PGF: variants seen among roughly 807,000 people sequenced by gnomAD.
PGF encodes placenta growth factor.
Under a neutral mutation model 25.3 loss-of-function variants are expected in PGF, and 11 were observed. The observed-to-expected ratio is 0.43, with a 90% CI of 0.27 to 0.72. PGF has a LOEUF of 0.72. Among genes scored for constraint, PGF ranks in the 30% least tolerant of loss-of-function variants. The probability of loss-of-function intolerance (pLI) is 0.18; values close to 1 mark genes in which losing one functional copy is unlikely to be tolerated. For missense variants in PGF, 230 were observed against 234.9 expected, an observed-to-expected ratio of 0.98 and a Z score of 0.14; for synonymous variants, 105 against 97.9, an observed-to-expected ratio of 1.07 and a Z score of -0.43.
Position 74,953,575 on chromosome 14 carries a change from C to T in PGF, c.118+329G>A, listed in dbSNP as rs1421908976. Among the ~76,000 whole-genome samples, 1 of 152,134 alleles carries T rather than the reference C, an allele frequency of 6.6e-6. No homozygotes were observed. Among genetic ancestry groups the T allele is most frequent in the African/African-American group, 2.4e-5 (1 of 41,420 alleles). On this transcript the variant is annotated intron_variant, in intron 2 of 6. Transcript: ENST00000555567. The surrounding 1 kb of genome is among the most constrained non-coding windows in gnomAD (Gnocchi z 5.4). ...CCCAGACCCCCATTCTGGCCCCTGG[C>T]ACTCACTCCCCACCCTGTCCTCCAA...
Position 74,953,667 on chromosome 14 carries a change from T to C in PGF, c.118+237A>G, listed in dbSNP as rs541961745. On this transcript the variant is annotated intron_variant, in intron 2 of 6. Coordinates refer to ENST00000555567, the MANE Select transcript of PGF (RefSeq NM_002632.6). This position sits in a 1 kb window ranked among gnomAD's most constrained non-coding sequence, Gnocchi z 5.4. ...GAGCCAGCTGGATGAACCCTGGCTA[T>C]ACTGGCCCCAGCCCCACTCTCCGTG... Among the ~76,000 whole-genome samples the C allele has an allele frequency of 6.6e-6, 1 of 152,260 alleles. No individual in the cohort carries two copies. Among genetic ancestry groups the C allele is most frequent in the East Asian group, 1.9e-4 (1 of 5,166 alleles).
At chr14:74,949,303 AG>A (rs1888816211) in intron 3 of PGF, 53 bp downstream of exon 3, 2 of 1,358,594 alleles carry the variant, frequency 1.5e-6, no homozygotes, top group African/African-American at 3.0e-5. Context: ...TTCCCTCTCC[AG>A]GTACCTTCTA....
chr14:74,955,203 G>A lies in PGF; in HGVS notation c.40C>T (p.Leu14=), dbSNP rs565128099. 6.5e-4 allele frequency: 976 copies of A among 1,490,144 alleles called. 6 individuals are homozygous for A. The highest frequency in any genetic ancestry group is 6.5e-3 in the South Asian group (506 of 77,688). The allele number at this position is 1,490,144 out of a possible 1,614,324, so 92.3% of individuals were successfully genotyped here. Residue 14 remains leucine, a synonymous_variant, in exon 1 of 7, where the codon CTG becomes TTG. Transcript: ENST00000555567. This position sits in a 1 kb window ranked among gnomAD's most constrained non-coding sequence, Gnocchi z 4.1. The stretch of plus-strand genomic sequence containing the variant: ...ACAGCAGGCAGCGCCAGCCCGGCCA[G>A]GAGCTGCAGGAAGCAAGGGAACAGC... ...MRLFPCFLQL[L]AGLALPAVPP...
chr14:74,945,998 G>A, intron 6 of PGF: 1 of 579,148 alleles, frequency 1.7e-6, no homozygotes, highest in South Asian at 2.1e-5. Flanking sequence ...ATGATTTGTT[G>A]AAGGTCAATG....
rs779162527 is a variant in PGF at position 74,949,450 on chromosome 14, G to C, written c.222C>G (p.Ser74Arg). The C allele has an allele frequency of 1.2e-6, 2 of 1,612,782 alleles. No individual in the cohort carries two copies. The highest frequency in any genetic ancestry group is 1.7e-6 in the Non-Finnish European group (2 of 1,179,598). The change falls in exon 3 of 7, where the codon AGC becomes AGG. Residue 74 changes from serine to arginine, a missense_variant. By Grantham distance (110) the Ser-to-Arg change is moderately radical (BLOSUM62 -1). Coordinates refer to ENST00000555567, the MANE Select transcript of PGF (RefSeq NM_002632.6). ...EYPSEVEHMF[S>R]PSCVSLLRCT... ...AGCGCAGCAGGGAGACACAGGATGG[G>C]CTGAACATGTGCTCCACCTCGCTGG...
intron 2 of PGF, among the ~76,000 whole-genome samples, chr14:74,952,224 T>C (rs1320207028): frequency 6.6e-6 from 1 of 152,144 alleles, no homozygotes; most frequent in Non-Finnish European, 1.5e-5. Context: ...CAAGTTTCTG[T>C]GGAGGGCACT....
In PGF at chr14:74,949,541, T is replaced by C; in HGVS notation, c.131A>G (p.Gln44Arg). The C allele has an allele frequency of 6.3e-7, 1 of 1,578,460 alleles. No homozygotes were observed. The highest frequency in any genetic ancestry group is 2.3e-5 in the East Asian group (1 of 43,858). ...GSSEVEVVPF[Q>R]EVWGRSYCRA... ...GCAGTAGCTGCGGCCCCACACTTCC[T>C]GGAAGGGTACCACTGCGAGGAAGCA... The change falls in exon 3 of 7, where the codon CAG becomes CGG. Residue 44 changes from glutamine to arginine, a missense_variant. Physicochemically the swap from Gln to Arg is conservative, Grantham distance 43. Coordinates refer to ENST00000555567, the MANE Select transcript of PGF (RefSeq NM_002632.6).
intron 6 of PGF, chr14:74,944,853 T>G (rs1325913397): frequency 2.0e-5 from 3 of 152,024 alleles, no homozygotes; most frequent in Non-Finnish European, 4.4e-5. Flanking sequence ...TGGCTTGACT[T>G]ATAATTCTGA....
Position 74,949,662 on chromosome 14 carries a change from A to AT in PGF, c.119-110dup, listed in dbSNP as rs1330725726. The AT allele has an allele frequency of 1.6e-4, 130 of 812,538 alleles. No homozygotes were observed. The East Asian group carries it at 1.9e-3, about 12-fold the overall frequency. The allele number at this position is 812,538 out of a possible 1,614,324, so 50.3% of individuals were successfully genotyped here. ...CCTTCCAGGTTCAGCCCCCAGCCCC[A>AT]TCCGAGCTCCCTCAACTCTGAACTC... On this transcript the variant is annotated intron_variant, in intron 2 of 6. Transcript: ENST00000555567.
chr14:74,942,625 G>T lies in PGF; in HGVS notation c.*81C>A. 1.3e-5 allele frequency: 17 copies of T among 1,334,546 alleles called. No individual in the cohort carries two copies. Among genetic ancestry groups the T allele is most frequent in the Non-Finnish European group, 1.8e-5 (17 of 938,324 alleles). The allele number at this position is 1,334,546 out of a possible 1,614,324, so 82.7% of individuals were successfully genotyped here. ...CAGTTGGCTAATAAATAGAGGGCAG[G>T]TACCAGCAGGAGTCACTGAAGAGTG... On this transcript the variant is annotated 3_prime_UTR_variant, in exon 7 of 7. Transcript: ENST00000555567.
Position 74,953,892 on chromosome 14 carries a change from T to C in PGF, c.118+12A>G. On this transcript the variant is annotated intron_variant, in intron 2 of 6. Coordinates refer to ENST00000555567, the MANE Select transcript of PGF (RefSeq NM_002632.6). This position sits in a 1 kb window ranked among gnomAD's most constrained non-coding sequence, Gnocchi z 5.4. ...TTGGGGAGCATGCGTACCCCCAGCC[T>C]GGCCAGCTTACCTTCCACCTCTGAC... 1.2e-6 allele frequency: 2 copies of C among 1,613,678 alleles called. No homozygotes were observed. The highest frequency in any genetic ancestry group is 1.7e-6 in the Non-Finnish European group (2 of 1,179,788).
chr14:74,949,488 C>T lies in PGF; in HGVS notation c.184G>A (p.Val62Met), dbSNP rs750476289. 9.3e-6 allele frequency: 15 copies of T among 1,609,606 alleles called. No homozygotes were observed. The highest frequency in any genetic ancestry group is 2.7e-5 in the African/African-American group (2 of 74,826). Residue 62 changes from valine to methionine, a missense_variant, in exon 3 of 7, where the codon GTG becomes ATG. Physicochemically the swap from Val to Met is conservative, Grantham distance 21 (BLOSUM62 1). Transcript: ENST00000555567. ...TCCACCTCGCTGGGGTACTCGGACA[C>T]GACGTCCACCAGCCTCTCCAGCGCC... is the stretch of plus-strand genomic sequence containing the variant. Reference protein sequence around the residue: ...CRALERLVDVVSEYPSEVEHM... With the variant: ...CRALERLVDVMSEYPSEVEHM...
chr14:74,949,514 C>A lies in PGF; in HGVS notation c.158G>T (p.Arg53Leu). 6.2e-7 allele frequency: 1 copy of A among 1,600,382 alleles called. No homozygotes were observed. The change falls in exon 3 of 7, where the codon CGG becomes CTG. Residue 53 changes from arginine (R) to leucine (L), a missense_variant. Coordinates refer to ENST00000555567, the MANE Select transcript of PGF (RefSeq NM_002632.6). The stretch of plus-strand genomic sequence containing the variant: ...GACGTCCACCAGCCTCTCCAGCGCC[C>A]GGCAGTAGCTGCGGCCCCACACTTC... ...FQEVWGRSYC[R>L]ALERLVDVVS...
Position 74,950,782 on chromosome 14 carries a change from C to T in PGF, c.119-1229G>A, listed in dbSNP as rs1888855533. Among the ~76,000 whole-genome samples, 1 of 152,206 alleles carries T rather than the reference C, an allele frequency of 6.6e-6. No individual in the cohort carries two copies. The highest frequency in any genetic ancestry group is 6.5e-5 in the Admixed American group (1 of 15,288). The stretch of plus-strand genomic sequence containing the variant: ...ACCGCCTGTGAATCAGTGCCTGCAA[C>T]CCAGCCCAGCCCAGAGACCATGGAC... On this transcript the variant is annotated intron_variant, in intron 2 of 6. Coordinates refer to ENST00000555567, the MANE Select transcript of PGF (RefSeq NM_002632.6). This position sits in a 1 kb window ranked among gnomAD's most constrained non-coding sequence, Gnocchi z 4.1.
chr14:74,943,526 G>A (rs1276881223), intron 6 of PGF, among the ~76,000 whole-genome samples: 1 of 152,122 alleles, frequency 6.6e-6, no homozygotes, highest in Non-Finnish European at 1.5e-5. Context: ...CAAATAACTT[G>A]GAAGGAAGGA....
intron 6 of PGF, chr14:74,944,712 GT>G (rs1888686922): frequency 6.6e-6 from 1 of 151,668 alleles, no homozygotes; most frequent in African/African-American, 2.4e-5. Context: ...CGTCCAGCTA[GT>G]TTTTGTATTT....
intron 6 of PGF, among the ~76,000 whole-genome samples, chr14:74,944,142 T>TCG (rs1411512499): frequency 2.0e-5 from 3 of 150,114 alleles, no homozygotes; most frequent in African/African-American, 7.4e-5. Flanking sequence ...TCTTGCTCTG[T>TCG]CCCAGGCTGG....
In PGF at chr14:74,946,861, G is replaced by A. The variant is rs539790114; in HGVS notation, c.393-453C>T. 1.9e-4 allele frequency: 144 copies of A among 761,096 alleles called. 1 individual carries two copies. The East Asian group carries it at 1.9e-3, about 10-fold the overall frequency. The allele number at this position is 761,096 out of a possible 1,614,324, so 47.1% of individuals were successfully genotyped here. On this transcript the variant is annotated intron_variant, in intron 4 of 6. Coordinates refer to ENST00000555567, the MANE Select transcript of PGF (RefSeq NM_002632.6). ...AGCCCCACTCCATCCGGAACAACAT[G>A]GGGAGTGAGCGACGGGGTGGGAGGA...
At chr14:74,948,247 C>T (rs1406109970) in intron 4 of PGF, 16 of 375,510 alleles carry the variant, frequency 4.3e-5, no homozygotes. Flanking sequence ...AGGGACCCAC[C>T]CTCTCTCTTC....
Sources: allele counts gnomAD v4.1 joint callset (sites outside exome capture counted in the v4.1 genomes callset), GRCh38; gene constraint gnomAD v4.1.1; non-coding constraint Gnocchi (gnomAD v3.1); transcripts MANE v1.5; gene names NCBI Gene and HGNC (gene_info 2026-07-23, HGNC 2026-07-21).